Variants in TNIK observed in about 807,000 individuals in gnomAD.
TNIK encodes TRAF2 and NCK interacting kinase.
Under a neutral mutation model 191.3 loss-of-function variants are expected in TNIK, and 49 were observed. The observed-to-expected ratio is 0.26, with a 90% CI of 0.20 to 0.32. TNIK has a LOEUF of 0.32. Among genes scored for constraint, TNIK ranks in the 10% least tolerant of loss-of-function variants. TNIK has a pLI of 1.00. For synonymous variants in TNIK, 594 were observed against 600.9 expected, an observed-to-expected ratio of 0.99 and a Z score of 0.17; for missense variants, 1,155 against 1,702.3, an observed-to-expected ratio of 0.68 and a Z score of 5.66.
At chr3:171,087,240 G>A in intron 24 of TNIK, 102 bp downstream of exon 24, 1 of 1,514,340 alleles carries the variant, frequency 6.6e-7, no homozygotes, top group South Asian at 1.3e-5. Flanking sequence ...AACCAAACAA[G>A]TTTCAAGGAG....
At chr3:171,246,689 C>T (rs1745630648) in intron 2 of TNIK, among the ~76,000 whole-genome samples, 1 of 152,184 alleles carries the variant, frequency 6.6e-6, no homozygotes, top group African/African-American at 2.4e-5. Context: ...CAATCTTAGT[C>T]TTTCTAGCAC....
intron 19 of TNIK, among the ~76,000 whole-genome samples, chr3:171,109,819 TTACTGGAAACTAAACAATGATGA>T (rs1275810326): frequency 2.0e-5 from 3 of 152,154 alleles, no homozygotes; most frequent in Non-Finnish European, 4.4e-5. Flanking sequence ...GGCCTCCCCA[TTACTGGAAACTAAACAATGATGA>T]ATAATTTGAA....
intron 2 of TNIK, among the ~76,000 whole-genome samples, chr3:171,324,993 C>A (rs1036580861): frequency 8.6e-5 from 13 of 151,924 alleles, no homozygotes; most frequent in Non-Finnish European, 1.3e-4. Context: ...CCCAGCTACT[C>A]GGGAGGCTGA....
At chr3:171,368,936 T>C (rs1166595153) in intron 2 of TNIK, among the ~76,000 whole-genome samples, 1 of 37,626 alleles carries the variant, frequency 2.7e-5, no homozygotes, top group Non-Finnish European at 9.5e-5. Flanking sequence ...ACTTTCATTT[T>C]TTTTGTTTTT....
chr3:171,183,416 T>C (rs1736922117), intron 7 of TNIK, among the ~76,000 whole-genome samples: 1 of 152,220 alleles, frequency 6.6e-6, no homozygotes, highest in Non-Finnish European at 1.5e-5. Context: ...AATCGTCTTT[T>C]GTTGGGTAAC....
intron 12 of TNIK, among the ~76,000 whole-genome samples, chr3:171,151,738 T>A (rs531434931): frequency 6.6e-6 from 1 of 152,332 alleles, no homozygotes; most frequent in African/African-American, 2.4e-5. Context: ...TACTGAATTT[T>A]ACCAAATGCT....
chr3:171,128,887 CAAAAAAA>C lies in TNIK; in HGVS notation c.1609-16_1609-10del, dbSNP rs59293515. The C allele has an allele frequency of 9.0e-5, 112 of 1,244,832 alleles. 1 individual carries two copies. The highest frequency in any genetic ancestry group is 3.0e-4 in the South Asian group (14 of 46,260). 77.1% of individuals were successfully genotyped at this position (1,244,832 alleles called of 1,614,324 possible). On this transcript the variant is annotated splice_polypyrimidine_tract_variant and intron_variant, in intron 15 of 32. Transcript: ENST00000436636. ...CTTGACCGTTCTTCTACCTACAACC[CAAAAAAA>C]AAAAAAAAAAAAAGACAGCCTCAAT...
intron 4 of TNIK, among the ~76,000 whole-genome samples, chr3:171,209,839 T>C (rs11716029): frequency 0.25 from 38,119 of 152,148 alleles, 5,421 homozygotes; most frequent in East Asian, 0.5. Context: ...AACATTTTTA[T>C]ATCTTTTTTG....
intron 2 of TNIK, among the ~76,000 whole-genome samples, chr3:171,236,930 G>A (rs1020652582): frequency 6.6e-6 from 1 of 152,172 alleles, no homozygotes; most frequent in African/African-American, 2.4e-5. Context: ...ACGATAGGCT[G>A]GGGGTTGGGG....
chr3:171,128,715 T>G lies in TNIK; in HGVS notation c.1772A>C (p.Gln591Pro). ...TPPMLRPVDP[Q>P]IPHLVAVKSQ... ...TGATGGAATGGAGGCAGACTGTACC[T>G]GGGGATCGACTGGTCTGAGCATGGG... Residue 591 changes from glutamine to proline, a missense_variant and splice_region_variant, in exon 16 of 33, where the codon CAG becomes CCG. By Grantham distance (76) the Gln-to-Pro change is moderately conservative (BLOSUM62 -1). Around this residue, in one of 3 missense-constraint regions of TNIK, gnomAD observed 735 missense variants for 848.0 expected, o/e 0.87. Coordinates refer to ENST00000436636, the MANE Select transcript of TNIK (RefSeq NM_015028.4). The G allele has an allele frequency of 1.9e-6, 3 of 1,611,302 alleles. No individual in the cohort carries two copies. The highest frequency in any genetic ancestry group is 2.5e-6 in the Non-Finnish European group (3 of 1,178,782).
rs1577078128 is a variant in TNIK at position 171,191,422 on chromosome 3, C to G, written c.418-635G>C. The stretch of plus-strand genomic sequence containing the variant: ...CACGCCAGGCTAATTTATTTTAGTA[C>G]AGACAGGGTTTCACCATGTTGGCCA... On this transcript the variant is annotated intron_variant, in intron 5 of 32. Coordinates refer to ENST00000436636, the MANE Select transcript of TNIK (RefSeq NM_015028.4). Among the ~76,000 whole-genome samples, 2 of 152,090 alleles carry G rather than the reference C, an allele frequency of 1.3e-5. 1 individual carries two copies. Among genetic ancestry groups the G allele is most frequent in the South Asian group, 4.1e-4 (2 of 4,828 alleles).
At chr3:171,166,820 T>C (rs1203021166) in intron 10 of TNIK, among the ~76,000 whole-genome samples, 1 of 152,226 alleles carries the variant, frequency 6.6e-6, no homozygotes, top group African/African-American at 2.4e-5. Context: ...AAATCACTTG[T>C]CATATTAAAG....
intron 2 of TNIK, among the ~76,000 whole-genome samples, chr3:171,341,065 T>G (rs1004893496): frequency 1.4e-4 from 22 of 152,338 alleles, no homozygotes; most frequent in African/African-American, 5.3e-4. Context: ...AACCATGAGC[T>G]TATGGCTATT....
chr3:171,452,309 A>G (rs2108731545), intron 1 of TNIK, among the ~76,000 whole-genome samples: 1 of 152,326 alleles, frequency 6.6e-6, no homozygotes, highest in Non-Finnish European at 1.5e-5. Flanking sequence ...ATCTCTTGGT[A>G]TCTCCAACAG....
chr3:171,411,441 T>C (rs1462674652), intron 1 of TNIK, among the ~76,000 whole-genome samples: 1 of 152,138 alleles, frequency 6.6e-6, no homozygotes, highest in Non-Finnish European at 1.5e-5. Flanking sequence ...CTTTGATCAC[T>C]GGCAATCATC....
chr3:171,225,154 T>C (rs986776769), intron 3 of TNIK, among the ~76,000 whole-genome samples: 5 of 152,208 alleles, frequency 3.3e-5, no homozygotes, highest in Admixed American at 2.0e-4. Flanking sequence ...ACAATTATAA[T>C]AATTGGTAAG....
intron 1 of TNIK, among the ~76,000 whole-genome samples, chr3:171,422,295 T>C (rs1387486712): frequency 1.3e-5 from 2 of 151,930 alleles, no homozygotes; most frequent in African/African-American, 2.4e-5. Flanking sequence ...AATAAAGTAG[T>C]AAAAGACATA....
intron 11 of TNIK, among the ~76,000 whole-genome samples, chr3:171,160,370 TGGCCCC>T (rs1217916807): frequency 2.0e-5 from 3 of 152,186 alleles, no homozygotes; most frequent in Non-Finnish European, 2.9e-5. Context: ...GTGGCTAAGC[TGGCCCC>T]TTTTCTGGTC....
chr3:171,084,075 C>A (rs1721029446), intron 26 of TNIK, 80 bp downstream of exon 26: 4 of 1,429,120 alleles, frequency 2.8e-6, no homozygotes, highest in East Asian at 5.0e-5. Flanking sequence ...ATGACAAGAT[C>A]CACAGGCTTT....
Sources: allele counts gnomAD v4.1 joint callset (sites outside exome capture counted in the v4.1 genomes callset), GRCh38; gene constraint gnomAD v4.1.1; regional missense constraint gnomAD v4.1.1; transcripts MANE v1.5; gene names NCBI Gene and HGNC (gene_info 2026-07-23, HGNC 2026-07-21).